The following WDR19 variants were observed in gnomAD, a reference collection of about 807,000 sequenced individuals.
WDR19 encodes WD repeat-containing protein 19.
WDR19 carries 121 observed loss-of-function variants against 180.0 expected under a neutral mutation model. The observed-to-expected ratio is 0.67, with a 90% CI of 0.58 to 0.78. The LOEUF (loss-of-function observed/expected upper bound fraction) is 0.78. Among genes scored for constraint, WDR19 ranks in the 30% least tolerant of loss-of-function variants. WDR19 has a pLI of 0.00. For synonymous variants in WDR19, 497 were observed against 540.7 expected, an observed-to-expected ratio of 0.92 and a Z score of 1.12; for missense variants, 1,450 against 1,640.7, an observed-to-expected ratio of 0.88 and a Z score of 2.01.
intron 1 of WDR19, among the ~76,000 whole-genome samples, chr4:39,185,210 A>AT (rs1444322017): frequency 2.0e-5 from 3 of 152,220 alleles, no homozygotes; most frequent in Admixed American, 2.0e-4. Flanking sequence ...TGATAACACT[A>AT]TTCACCCAGT....
intron 30 of WDR19, 130 bp downstream of exon 30, chr4:39,268,221 G>GA (rs1189290076): frequency 6.0e-6 from 4 of 670,320 alleles, no homozygotes; most frequent in South Asian, 4.6e-5. Flanking sequence ...AAAGACTAAA[G>GA]AGATGACCAT....
At chr4:39,201,454 G>A (rs1322914107) in intron 6 of WDR19, among the ~76,000 whole-genome samples, 1 of 152,138 alleles carries the variant, frequency 6.6e-6, no homozygotes, top group Non-Finnish European at 1.5e-5. Flanking sequence ...ACTTATTTTA[G>A]TAGATAGTGC....
intron 4 of WDR19, among the ~76,000 whole-genome samples, chr4:39,193,324 G>A (rs1286219810): frequency 6.6e-6 from 1 of 151,838 alleles, no homozygotes; most frequent in African/African-American, 2.4e-5. Context: ...ACCTCACCCA[G>A]CTAATTTTTG....
intron 34 of WDR19, among the ~76,000 whole-genome samples, chr4:39,277,772 G>A (rs1736043331): frequency 6.6e-6 from 1 of 152,172 alleles, no homozygotes; most frequent in Admixed American, 6.5e-5. Flanking sequence ...TTGAATAACA[G>A]GCAGGGTACA....
At chr4:39,252,071 T>C (rs1348504976) in intron 24 of WDR19, among the ~76,000 whole-genome samples, 5 of 151,668 alleles carry the variant, frequency 3.3e-5, no homozygotes, top group South Asian at 2.1e-4. Flanking sequence ...ATGTTTATTG[T>C]GGCACTATTC....
At position 39,268,015 on chromosome 4, in the gene WDR19, C is replaced by T; in HGVS notation, c.3282C>T (p.Arg1094=). 6.2e-7 allele frequency: 1 copy of T among 1,605,076 alleles called. No homozygotes were observed. Among genetic ancestry groups the T allele is most frequent in the Non-Finnish European group, 8.5e-7 (1 of 1,175,670 alleles). The change falls in exon 30 of 37, where the codon CGC becomes CGT. Residue 1094 remains arginine (R), a synonymous_variant. Coordinates refer to ENST00000399820, the MANE Select transcript of WDR19 (RefSeq NM_025132.4). ...GTCAGGATGCCAAGTACCTGTTCCG[C>T]TTGTACATGGCTCTGAAGCAATACC... ...GMPKDAKYLF[R]LYMALKQYRE...
At chr4:39,219,859 T>A (rs1166645719) in intron 14 of WDR19, among the ~76,000 whole-genome samples, 1 of 152,176 alleles carries the variant, frequency 6.6e-6, no homozygotes, top group Non-Finnish European at 1.5e-5. Flanking sequence ...TCAAAGCATA[T>A]CATGCCTGTT....
Position 39,266,075 on chromosome 4 carries a change from A to C in WDR19, c.3196A>C (p.Lys1066Gln). The stretch of plus-strand genomic sequence containing the variant: ...TCTTATTAAACAGGTTGGTCAGGCC[A>C]AAGATGAACTGCTGACCAATCAGCT... ...EMAIETVGQA[K>Q]DELLTNQLID... is the part of the protein sequence containing the mutation. The change falls in exon 29 of 37, where the codon AAA (lysine) becomes CAA (glutamine). Residue 1066 changes from lysine (K) to glutamine (Q), a missense_variant. Physicochemically the swap from Lys to Gln is moderately conservative, Grantham distance 53. Transcript: ENST00000399820. 1 of 1,555,914 alleles carries C rather than the reference A, an allele frequency of 6.4e-7. No homozygotes were observed. Among genetic ancestry groups the C allele is most frequent in the Admixed American group, 1.9e-5 (1 of 51,458 alleles).
intron 4 of WDR19, among the ~76,000 whole-genome samples, chr4:39,191,041 C>T (rs1726097738): frequency 6.6e-6 from 1 of 152,198 alleles, no homozygotes; most frequent in Non-Finnish European, 1.5e-5. Context: ...TCCACATCAT[C>T]TCAGGATTGT....
intron 28 of WDR19, among the ~76,000 whole-genome samples, chr4:39,265,381 C>T (rs913845564): frequency 3.9e-5 from 6 of 152,152 alleles, no homozygotes; most frequent in Non-Finnish European, 5.9e-5. Flanking sequence ...CTCAGGGAGC[C>T]GCTGCAGAGG....
chr4:39,182,649 C>A, intron 1 of WDR19, 86 bp downstream of exon 1: 1 of 1,576,060 alleles, frequency 6.3e-7, no homozygotes, highest in Non-Finnish European at 8.7e-7. Context: ...ATCTGTCCCT[C>A]TCCCTTCTGA....
intron 24 of WDR19, among the ~76,000 whole-genome samples, chr4:39,249,614 C>G (rs1256727884): frequency 6.6e-6 from 1 of 151,840 alleles, no homozygotes; most frequent in Non-Finnish European, 1.5e-5. Context: ...TAATAAAGAA[C>G]AAAAGAGAGA....
chr4:39,218,967 TC>T (rs1208458278), intron 14 of WDR19: 1 of 152,212 alleles, frequency 6.6e-6, no homozygotes, highest in African/African-American at 2.4e-5. Context: ...TATCACTGTC[TC>T]CCACCTCCGC....
chr4:39,231,068 C>G (rs1051415965), intron 17 of WDR19, among the ~76,000 whole-genome samples: 4 of 151,934 alleles, frequency 2.6e-5, no homozygotes, highest in African/African-American at 9.7e-5. Context: ...TCCCAGCACT[C>G]TGGGAGGCCG....
At chr4:39,193,849 G>C (rs937250114) in intron 4 of WDR19, among the ~76,000 whole-genome samples, 7 of 152,196 alleles carry the variant, frequency 4.6e-5, no homozygotes, top group Admixed American at 4.6e-4. Flanking sequence ...GCTGGGATCT[G>C]AGAACTGGCA....
intron 33 of WDR19, 116 bp from the exon 34 acceptor site, chr4:39,276,904 T>C: frequency 7.7e-7 from 1 of 1,297,922 alleles, no homozygotes; most frequent in Non-Finnish European, 1.1e-6. Flanking sequence ...AAGCCCAGAG[T>C]CTGACTATGA....
At chr4:39,211,481 A>T (rs1186241465) in intron 9 of WDR19, among the ~76,000 whole-genome samples, 1 of 152,186 alleles carries the variant, frequency 6.6e-6, no homozygotes, top group Non-Finnish European at 1.5e-5. Flanking sequence ...AACTCCTGGA[A>T]CTAAAACTAA....
intron 17 of WDR19, among the ~76,000 whole-genome samples, chr4:39,231,267 C>T (rs1442411522): frequency 6.7e-6 from 1 of 148,884 alleles, no homozygotes; most frequent in African/African-American, 2.5e-5. Flanking sequence ...GGTGAGATCA[C>T]GCCATTGCAC....
At chr4:39,281,236 T>TATATATAGAGAGAGAG (rs762298152) in intron 36 of WDR19, among the ~76,000 whole-genome samples, 390 of 103,846 alleles carry the variant, frequency 3.8e-3, no homozygotes, top group African/African-American at 6.7e-3. Context: ...TATATATATA[T>TATATATAGAGAGAGAG]AGAGAGAGAG....
Sources: gnomAD v4.1 joint callset for allele counts (sites outside exome capture counted in the v4.1 genomes callset) on GRCh38, gnomAD v4.1.1 for gene constraint, MANE v1.5 for transcripts, NCBI Gene and HGNC (gene_info 2026-07-23, HGNC 2026-07-21) for gene names.